Variants in FAM13C observed in about 807,000 individuals in gnomAD.
FAM13C encodes the protein protein FAM13C.
A neutral mutation model predicts 73.2 loss-of-function variants in FAM13C; 37 were observed. That is an observed-to-expected ratio of 0.51 (90% CI 0.39 to 0.67). The LOEUF is 0.67. Ranked by LOEUF, FAM13C falls within the 30% of genes least tolerant of loss-of-function variation. The pLI, the probability that FAM13C is intolerant of heterozygous loss-of-function variation, is 0.00. For missense variants in FAM13C, 589 were observed against 715.6 expected, an observed-to-expected ratio of 0.82 and a Z score of 2.02; for synonymous variants, 246 against 260.9, an observed-to-expected ratio of 0.94 and a Z score of 0.55.
intron 4 of FAM13C, among the ~76,000 whole-genome samples, chr10:59,315,609 C>T (rs1408412930): frequency 6.6e-6 from 1 of 152,074 alleles, no homozygotes; most frequent in Non-Finnish European, 1.5e-5. Flanking sequence ...ATGAGGCATC[C>T]CACACAACAA....
chr10:59,268,811 T>C (rs369245789), intron 7 of FAM13C, 120 bp from the exon 8 acceptor site: 77 of 1,178,778 alleles, frequency 6.5e-5, no homozygotes, highest in Non-Finnish European at 8.5e-5. Flanking sequence ...AGTTCATTAT[T>C]TGATGAGGCC....
intron 1 of FAM13C, among the ~76,000 whole-genome samples, chr10:59,359,403 C>T (rs1227266861): frequency 6.6e-6 from 1 of 152,168 alleles, no homozygotes; most frequent in Non-Finnish European, 1.5e-5. Context: ...CTTTTTGCTG[C>T]CTAAAACAGA....
intron 3 of FAM13C, among the ~76,000 whole-genome samples, chr10:59,334,919 C>T (rs1852525070): frequency 1.3e-5 from 2 of 152,072 alleles, no homozygotes; most frequent in Non-Finnish European, 2.9e-5. Flanking sequence ...TTAAAAAAGA[C>T]TTTAATGTTA....
At chr10:59,276,649 T>C (rs569458504) in intron 6 of FAM13C, among the ~76,000 whole-genome samples, 1 of 152,336 alleles carries the variant, frequency 6.6e-6, no homozygotes, top group East Asian at 1.9e-4. Flanking sequence ...TGAATTAATA[T>C]TTTAAGAAAA....
intron 3 of FAM13C, among the ~76,000 whole-genome samples, chr10:59,336,457 G>A (rs1018910122): frequency 2.0e-5 from 3 of 152,060 alleles, no homozygotes; most frequent in Non-Finnish European, 4.4e-5. Flanking sequence ...CACTGCTCAC[G>A]GCTCAGATCT....
At chr10:59,257,438 G>T (rs1842051616) in intron 10 of FAM13C, among the ~76,000 whole-genome samples, 1 of 152,178 alleles carries the variant, frequency 6.6e-6, no homozygotes, top group Non-Finnish European at 1.5e-5. Flanking sequence ...CATGGGAGTG[G>T]TGCCATGTAT....
chr10:59,297,676 G>A lies in FAM13C; in HGVS notation c.507+5125C>T, dbSNP rs562045738. On this transcript the variant is annotated intron_variant, in intron 5 of 13. Transcript: ENST00000618804. ...CACTTCACTATGGCTGGCTGCCTCA[G>A]CAAGTTGCAATAAACTTCAAGGATC... Among the ~76,000 whole-genome samples the A allele has an allele frequency of 1.2e-4, 19 of 152,232 alleles. No homozygotes were observed. In the South Asian group the frequency reaches 3.9e-3, roughly 32 times the overall value.
At chr10:59,285,167 C>T (rs923418748) in intron 5 of FAM13C, among the ~76,000 whole-genome samples, 4 of 152,178 alleles carry the variant, frequency 2.6e-5, no homozygotes, top group South Asian at 4.1e-4. Context: ...TGGGACCCGG[C>T]GCAAACCTCC....
intron 6 of FAM13C, among the ~76,000 whole-genome samples, chr10:59,279,775 T>C (rs984075641): frequency 6.6e-6 from 1 of 152,240 alleles, no homozygotes; most frequent in African/African-American, 2.4e-5. Flanking sequence ...AGAGGTATTT[T>C]GAGCCTATTA....
chr10:59,252,794 C>T lies in FAM13C; in HGVS notation c.1532+5G>A. ...GGAGACTCCACACTTAGGATTCATA[C>T]TCACATGGTAGCCTCATGTAAATTA... On this transcript the variant is annotated splice_donor_5th_base_variant and intron_variant, in intron 12 of 13. Coordinates refer to ENST00000618804, the MANE Select transcript of FAM13C (RefSeq NM_198215.4). 2 of 1,612,826 alleles carry T rather than the reference C, an allele frequency of 1.2e-6. No individual in the cohort carries two copies. Among genetic ancestry groups the T allele is most frequent in the Non-Finnish European group, 1.7e-6 (2 of 1,179,226 alleles).
At chr10:59,356,080 TTC>T (rs1379012345) in intron 1 of FAM13C, 137 bp from the exon 2 acceptor site, 1 of 793,750 alleles carries the variant, frequency 1.3e-6, no homozygotes, top group Non-Finnish European at 2.1e-6. Context: ...CCCAAATAAG[TTC>T]TGATTCCTAT....
chr10:59,323,846 C>T (rs1442619357), intron 4 of FAM13C, 142 bp downstream of exon 4: 2 of 746,888 alleles, frequency 2.7e-6, no homozygotes, highest in Non-Finnish European at 2.4e-6. Flanking sequence ...CTCTTCTAGG[C>T]CCCTTTAAGC....
At chr10:59,262,980 C>T (rs1375028599) in intron 9 of FAM13C, among the ~76,000 whole-genome samples, 1 of 152,130 alleles carries the variant, frequency 6.6e-6, no homozygotes, top group Non-Finnish European at 1.5e-5. Context: ...CGAAATTCCA[C>T]ACACAAAGAT....
chr10:59,334,129 G>A (rs1852396389), intron 3 of FAM13C, among the ~76,000 whole-genome samples: 1 of 152,120 alleles, frequency 6.6e-6, no homozygotes, highest in African/African-American at 2.4e-5. Context: ...AAATAGTATT[G>A]TATCAGAAAC....
intron 5 of FAM13C, among the ~76,000 whole-genome samples, chr10:59,300,078 C>T (rs1847401432): frequency 6.6e-6 from 1 of 152,112 alleles, no homozygotes; most frequent in Non-Finnish European, 1.5e-5. Flanking sequence ...ATGAGAAACA[C>T]ACACAGAGAC....
chr10:59,252,710 A>C, intron 12 of FAM13C, 89 bp downstream of exon 12: 5 of 1,324,564 alleles, frequency 3.8e-6, no homozygotes, highest in Non-Finnish European at 5.4e-6. Context: ...CTTTGAGTCC[A>C]GCATTTTCAA....
chr10:59,267,494 C>G (rs28542641), intron 8 of FAM13C, among the ~76,000 whole-genome samples: 14,213 of 152,208 alleles, frequency 0.093, 1,637 homozygotes, highest in African/African-American at 0.27. Context: ...GACTGCCTGA[C>G]TTTGGGGAAG....
At chr10:59,251,898 G>A (rs1458718244) in intron 12 of FAM13C, among the ~76,000 whole-genome samples, 1 of 152,000 alleles carries the variant, frequency 6.6e-6, no homozygotes, top group Non-Finnish European at 1.5e-5. Context: ...ATAGGGGAAA[G>A]GACAGACAAG....
intron 6 of FAM13C, among the ~76,000 whole-genome samples, chr10:59,281,167 C>T (rs1844879436): frequency 6.6e-6 from 1 of 152,168 alleles, no homozygotes; most frequent in African/African-American, 2.4e-5. Flanking sequence ...CTGTGTTCAT[C>T]TTACACAACC....
Sources: gnomAD v4.1 joint callset for allele counts (sites outside exome capture counted in the v4.1 genomes callset) on GRCh38, gnomAD v4.1.1 for gene constraint, MANE v1.5 for transcripts, NCBI Gene and HGNC (gene_info 2026-07-23, HGNC 2026-07-21) for gene names.